Variants in EML5 observed in about 807,000 individuals in gnomAD.
EML5 encodes EMAP like 5, also known as echinoderm microtubule-associated protein-like 5.
Under a neutral mutation model 250.0 loss-of-function variants are expected in EML5, and 120 were observed. The observed-to-expected ratio is 0.48, with a 90% CI of 0.41 to 0.56. EML5 has a LOEUF of 0.56. Ranked by LOEUF, EML5 falls within the 20% of genes least tolerant of loss-of-function variation. The probability of loss-of-function intolerance (pLI) is 0.00; values close to 1 mark genes in which losing one functional copy is unlikely to be tolerated. For synonymous variants in EML5, 771 were observed against 806.5 expected (o/e 0.96, Z 0.75); for missense variants, 2,006 against 2,437.6 (o/e 0.82, Z 3.73).
At chr14:88,727,740 A>G (rs2093689369) in intron 7 of EML5, among the ~76,000 whole-genome samples, 1 of 152,086 alleles carries the variant, frequency 6.6e-6, no homozygotes, top group Non-Finnish European at 1.5e-5. Context: ...TGATTCTTTC[A>G]CTTTTAGATA....
chr14:88,683,367 T>A (rs372665750), intron 20 of EML5, among the ~76,000 whole-genome samples: 5 of 152,144 alleles, frequency 3.3e-5, no homozygotes, highest in African/African-American at 1.2e-4. Context: ...GTGGCACAAT[T>A]TATACCCAAG....
chr14:88,630,742 G>A (rs1293255493), intron 33 of EML5, among the ~76,000 whole-genome samples: 1 of 152,192 alleles, frequency 6.6e-6, no homozygotes, highest in Non-Finnish European at 1.5e-5. Flanking sequence ...TTAGGTCATG[G>A]CTCTGAAAAG....
chr14:88,746,692 GAAT>G, intron 2 of EML5, among the ~76,000 whole-genome samples: 1 of 152,286 alleles, frequency 6.6e-6, no homozygotes, highest in South Asian at 2.1e-4. Context: ...GGCATCGGGT[GAAT>G]ACTTGTACCC....
At chr14:88,689,455 G>A (rs1041197812) in intron 17 of EML5, among the ~76,000 whole-genome samples, 2 of 152,202 alleles carry the variant, frequency 1.3e-5, no homozygotes, top group Non-Finnish European at 2.9e-5. Context: ...TTGCATTTCT[G>A]TGAATATTAT....
At chr14:88,628,443 G>A (rs2090186184) in intron 33 of EML5, among the ~76,000 whole-genome samples, 2 of 151,950 alleles carry the variant, frequency 1.3e-5, no homozygotes, top group African/African-American at 2.4e-5. Flanking sequence ...TTAATCTTGT[G>A]TAGCTTGTTT....
At chr14:88,667,041 G>C (rs1437767108) in intron 21 of EML5, among the ~76,000 whole-genome samples, 1 of 151,986 alleles carries the variant, frequency 6.6e-6, no homozygotes, top group Non-Finnish European at 1.5e-5. Context: ...CTGGATGTGG[G>C]GTGAAAGGCG....
At position 88,706,182 on chromosome 14, in the gene EML5, T is replaced by C. The variant is rs1007737567; in HGVS notation, c.1825+77A>G. On this transcript the variant is annotated intron_variant, in intron 11 of 43. Coordinates refer to ENST00000554922, the MANE Select transcript of EML5 (RefSeq NM_183387.3). The stretch of plus-strand genomic sequence containing the variant: ...TAACTTATGAGGCCAGATTATACTT[T>C]AATATAAAATTGTTATTTGGGGGTT... 9.3e-5 allele frequency: 126 copies of C among 1,350,832 alleles called. No homozygotes were observed. The African/African-American group carries it at 1.8e-3, about 19-fold the overall frequency. The allele number at this position is 1,350,832 out of a possible 1,614,324, so 83.7% of individuals were successfully genotyped here. A position where few individuals can be genotyped will look rare whatever the true frequency, so the allele number is the denominator to read the frequency against.
At chr14:88,654,720 T>A (rs891203066) in intron 27 of EML5, among the ~76,000 whole-genome samples, 1 of 152,200 alleles carries the variant, frequency 6.6e-6, no homozygotes. Context: ...AAATTTAGAA[T>A]AAATGTGATG....
intron 36 of EML5, 85 bp from the exon 37 acceptor site, chr14:88,622,803 A>AT: frequency 1.3e-6 from 1 of 791,064 alleles, no homozygotes; most frequent in South Asian, 3.3e-5. Context: ...TATAAGCAGA[A>AT]TCTTTTTTTT....
At chr14:88,754,866 T>C (rs1566755682) in intron 1 of EML5, among the ~76,000 whole-genome samples, 195 bp from the exon 2 acceptor site, 3 of 152,180 alleles carry the variant, frequency 2.0e-5, no homozygotes, top group African/African-American at 7.2e-5. Context: ...TGCAGTGGTG[T>C]GATCTCAGCT....
intron 8 of EML5, among the ~76,000 whole-genome samples, chr14:88,725,434 T>C (rs1358082325): frequency 6.6e-6 from 1 of 151,996 alleles, no homozygotes; most frequent in Non-Finnish European, 1.5e-5. Flanking sequence ...AATGGGGAGA[T>C]GTTAGTTAAA....
intron 11 of EML5, 177 bp from the exon 12 acceptor site, chr14:88,705,765 T>G: frequency 1.5e-6 from 1 of 673,812 alleles, no homozygotes; most frequent in South Asian, 1.6e-5. Context: ...ACAGATTATC[T>G]TCCTCTCCAC....
intron 3 of EML5, 78 bp downstream of exon 3, chr14:88,746,107 G>T: frequency 8.6e-7 from 1 of 1,168,252 alleles, no homozygotes. Context: ...ACAAAATACA[G>T]AAGAATAAAA....
chr14:88,719,724 G>A (rs4365227), intron 8 of EML5, among the ~76,000 whole-genome samples: 97,087 of 151,670 alleles, frequency 0.64, 33,064 homozygotes, highest in East Asian at 0.94. Context: ...GCAAAATGGT[G>A]GAAAAGGACT....
At chr14:88,698,699 G>A (rs1355345153) in intron 14 of EML5, among the ~76,000 whole-genome samples, 1 of 151,966 alleles carries the variant, frequency 6.6e-6, no homozygotes, top group African/African-American at 2.4e-5. Context: ...CACTTCTATA[G>A]TTTCAGTGGT....
chr14:88,665,935 G>A (rs1326057978), intron 21 of EML5, among the ~76,000 whole-genome samples: 1 of 151,922 alleles, frequency 6.6e-6, no homozygotes, highest in Non-Finnish European at 1.5e-5. Flanking sequence ...TTGCTAAAAA[G>A]GTTGCCTCTT....
chr14:88,718,759 A>AAG (rs1460014479), intron 8 of EML5, among the ~76,000 whole-genome samples: 6 of 152,198 alleles, frequency 3.9e-5, no homozygotes, highest in East Asian at 3.9e-4. Context: ...AATGTGATGT[A>AAG]AGAGAGAGAG....
chr14:88,720,933 G>C (rs962539186), intron 8 of EML5, among the ~76,000 whole-genome samples: 1 of 151,918 alleles, frequency 6.6e-6, no homozygotes, highest in African/African-American at 2.4e-5. Flanking sequence ...CAAAGTCTCG[G>C]GATATAAAAT....
chr14:88,705,365 G>C (rs749057057), intron 12 of EML5, 117 bp downstream of exon 12: 190 of 808,526 alleles, frequency 2.3e-4, no homozygotes, highest in Non-Finnish European at 3.5e-4. Context: ...AACTAATATA[G>C]TCATACATTG....
Sources: allele counts gnomAD v4.1 joint callset (sites outside exome capture counted in the v4.1 genomes callset), GRCh38; gene constraint gnomAD v4.1.1; transcripts MANE v1.5; gene names NCBI Gene and HGNC (gene_info 2026-07-23, HGNC 2026-07-21).